Variants in GPR61 observed in about 807,000 individuals in gnomAD.
The protein encoded by GPR61 is G protein-coupled receptor 61.
Under a neutral mutation model 29.2 loss-of-function variants are expected in GPR61, and 15 were observed. The observed-to-expected ratio is 0.51, with a 90% CI of 0.34 to 0.79. The LOEUF is 0.79. Ranked by LOEUF, GPR61 falls within the 30% of genes least tolerant of loss-of-function variation. The pLI, the probability that GPR61 is intolerant of heterozygous loss-of-function variation, is 0.01. For missense variants in GPR61, 399 were observed against 582.5 expected (o/e 0.69, Z 3.24); for synonymous variants, 238 against 242.3 (o/e 0.98, Z 0.17).
rs779763362 is a variant in GPR61, at chr1:109,543,544, T to A, written c.522T>A (p.Ala174=). ...VGVWVKALAM[A]SVPVLGRVSW... is the part of the protein sequence containing the mutation. ...TGTGGGTGAAGGCCTTGGCCATGGCTTCTGTGCCAGTGTTGGGAAGGGTCT... is the reference window on the plus strand; with the variant it reads ...TGTGGGTGAAGGCCTTGGCCATGGCATCTGTGCCAGTGTTGGGAAGGGTCT... The change falls in exon 2 of 2, where the codon GCT becomes GCA. Residue 174 remains alanine (A), a synonymous_variant. Transcript: ENST00000527748. The surrounding 1 kb of genome is among the most constrained non-coding windows in gnomAD (Gnocchi z 6.8). The A allele has an allele frequency of 6.2e-7, 1 of 1,614,032 alleles. No homozygotes were observed. The highest frequency in any genetic ancestry group is 1.3e-5 in the African/African-American group (1 of 74,930).
chr1:109,542,494 A>G lies in GPR61; in HGVS notation c.-529A>G, dbSNP rs1346759082. 1 of 330,608 alleles carries G rather than the reference A, an allele frequency of 3.0e-6. No homozygotes were observed. Among genetic ancestry groups the G allele is most frequent in the African/African-American group, 2.2e-5 (1 of 46,460 alleles). The allele number at this position is 330,608 out of a possible 1,614,324, so 20.5% of individuals were successfully genotyped here. A position where few individuals can be genotyped will look rare whatever the true frequency, so the allele number is the denominator to read the frequency against. On this transcript the variant is annotated 5_prime_UTR_variant, in exon 2 of 2. An upstream open reading frame in the 5' UTR loses its in-frame stop. Coordinates refer to ENST00000527748, the MANE Select transcript of GPR61 (RefSeq NM_001393907.1). ...ATGCCCAGAACTGGGACTAGAAACT[A>G]AATTTTGTGCTCCTTCTACTCCCCA... is the stretch of plus-strand genomic sequence containing the variant.
rs770824911 is a variant in GPR61 at position 109,544,003 on chromosome 1, C to T, written c.981C>T (p.Thr327=). 2.4e-5 allele frequency: 39 copies of T among 1,614,120 alleles called. No individual in the cohort carries two copies. The highest frequency in any genetic ancestry group is 3.1e-5 in the Non-Finnish European group (37 of 1,180,052). ...CTGGGCAGGTGGAGAGTGTGGTCACCTGGATTGGCTACTTTTGCTTCACTT... is the reference window on the plus strand; with the variant it reads ...CTGGGCAGGTGGAGAGTGTGGTCACTTGGATTGGCTACTTTTGCTTCACTT... The part of the protein sequence containing the change: ...ISTGQVESVV[T]WIGYFCFTSN... The change falls in exon 2 of 2, where the codon ACC becomes ACT. Residue 327 remains threonine, a synonymous_variant. Coordinates refer to ENST00000527748, the MANE Select transcript of GPR61 (RefSeq NM_001393907.1). This position sits in a 1 kb window ranked among gnomAD's most constrained non-coding sequence, Gnocchi z 4.6.
At position 109,544,423 on chromosome 1, in the gene GPR61, T is replaced by C. The variant is rs756249370; in HGVS notation, c.*45T>C. 4.9e-6 allele frequency: 7 copies of C among 1,432,898 alleles called. No individual in the cohort carries two copies. The Admixed American group carries it at 1.1e-4, about 22-fold the overall frequency. The allele number at this position is 1,432,898 out of a possible 1,614,324, so 88.8% of individuals were successfully genotyped here. A position where few individuals can be genotyped will look rare whatever the true frequency, so the allele number is the denominator to read the frequency against. On this transcript the variant is annotated 3_prime_UTR_variant, in exon 2 of 2. Coordinates refer to ENST00000527748, the MANE Select transcript of GPR61 (RefSeq NM_001393907.1). This position sits in a 1 kb window ranked among gnomAD's most constrained non-coding sequence, Gnocchi z 4.6. ...AGGGATATGGGGCTGGGGCCAGTTA[T>C]GATTGCAAGGACCACCTTGTGGGAT...
intron 1 of GPR61, among the ~76,000 whole-genome samples, chr1:109,542,034 T>C (rs144871571): frequency 2.6e-5 from 4 of 152,296 alleles, no homozygotes; most frequent in African/African-American, 9.6e-5. Flanking sequence ...AACAACTATT[T>C]ACTGGATGCC....
At chr1:109,540,731 A>G (rs562797433) in intron 1 of GPR61, among the ~76,000 whole-genome samples, 100 of 152,326 alleles carry the variant, frequency 6.6e-4, no homozygotes, top group African/African-American at 2.4e-3. Context: ...ACCCCAGTCC[A>G]TTAGTGAGGG....
Position 109,543,998 on chromosome 1 carries a change from G to A in GPR61, c.976G>A (p.Val326Ile), listed in dbSNP as rs565432681. Residue 326 changes from valine to isoleucine, a missense_variant, in exon 2 of 2, where the codon GTC (valine) becomes ATC (isoleucine). Val to Ile is a conservative substitution (Grantham distance 29). Around this residue, in one of 3 missense-constraint regions of GPR61, gnomAD observed 320 missense variants for 459.8 expected, o/e 0.70. Coordinates refer to ENST00000527748, the MANE Select transcript of GPR61 (RefSeq NM_001393907.1). The surrounding 1 kb of genome is among the most constrained non-coding windows in gnomAD (Gnocchi z 6.8). ...TTCAACTGGGCAGGTGGAGAGTGTGGTCACCTGGATTGGCTACTTTTGCTT... is the reference window on the plus strand; with the variant it reads ...TTCAACTGGGCAGGTGGAGAGTGTGATCACCTGGATTGGCTACTTTTGCTT... Reference protein sequence around the residue: ...PISTGQVESVVTWIGYFCFTS... With the variant: ...PISTGQVESVITWIGYFCFTS... 6.2e-7 allele frequency: 1 copy of A among 1,614,220 alleles called. No homozygotes were observed. Among genetic ancestry groups the A allele is most frequent in the South Asian group, 1.1e-5 (1 of 91,088 alleles).
chr1:109,544,359 C>A lies in GPR61; in HGVS notation c.1337C>A (p.Ser446Ter). The A allele has an allele frequency of 6.2e-7, 1 of 1,612,252 alleles. No individual in the cohort carries two copies. The highest frequency in any genetic ancestry group is 8.5e-7 in the Non-Finnish European group (1 of 1,179,034). Reference protein sequence around the residue: ...MSDSYLRPAASPRLES With the variant: ...MSDSYLRPAA ...GACAGCTACCTCCGTCCTGCCGCCTCACCCCGGCTGGAGTCATGATGGGCC... is the reference window on the plus strand; with the variant it reads ...GACAGCTACCTCCGTCCTGCCGCCTAACCCCGGCTGGAGTCATGATGGGCC... Residue 446 changes from serine (S) to a stop codon, truncating the protein, a stop_gained, in exon 2 of 2, where the codon TCA (serine) becomes TAA (stop). Coordinates refer to ENST00000527748, the MANE Select transcript of GPR61 (RefSeq NM_001393907.1). LOFTEE classifies it high-confidence loss of function. This position sits in a 1 kb window ranked among gnomAD's most constrained non-coding sequence, Gnocchi z 4.6.
intron 1 of GPR61, 170 bp downstream of exon 1, chr1:109,540,123 TGTGGGC>T (rs1647589988): frequency 6.6e-6 from 1 of 152,082 alleles, no homozygotes; most frequent in Non-Finnish European, 1.5e-5. Context: ...GGTATTGGGG[TGTGGGC>T]ATCTCTGAAG....
In GPR61 at chr1:109,543,368, C is replaced by T. The variant is rs951217511; in HGVS notation, c.346C>T (p.Arg116Cys). Reference protein sequence around the residue: ...DHALFGEVACRLYLFLSVCFV... With the variant: ...DHALFGEVACCLYLFLSVCFV... ...CGCCCTCTTTGGGGAGGTGGCCTGC[C>T]GCCTCTACTTGTTTCTGAGCGTGTG... Residue 116 changes from arginine (R) to cysteine (C), a missense_variant, in exon 2 of 2, where the codon CGC becomes TGC. Physicochemically the swap from Arg to Cys is radical, Grantham distance 180. Around this residue, in one of 3 missense-constraint regions of GPR61, gnomAD observed 320 missense variants for 459.8 expected, o/e 0.70. Coordinates refer to ENST00000527748, the MANE Select transcript of GPR61 (RefSeq NM_001393907.1). The surrounding 1 kb of genome is among the most constrained non-coding windows in gnomAD (Gnocchi z 6.8). The T allele has an allele frequency of 6.8e-6, 11 of 1,612,616 alleles. No individual in the cohort carries two copies. Among genetic ancestry groups the T allele is most frequent in the African/African-American group, 1.3e-5 (1 of 74,798 alleles).
In GPR61 at chr1:109,544,462, C is replaced by A; in HGVS notation, c.*84C>A. 1 of 1,027,440 alleles carries A rather than the reference C, an allele frequency of 9.7e-7. No individual in the cohort carries two copies. The highest frequency in any genetic ancestry group is 1.4e-6 in the Non-Finnish European group (1 of 690,556). 63.6% of individuals were successfully genotyped at this position (1,027,440 alleles called of 1,614,324 possible). On this transcript the variant is annotated 3_prime_UTR_variant, in exon 2 of 2. Coordinates refer to ENST00000527748, the MANE Select transcript of GPR61 (RefSeq NM_001393907.1). The surrounding 1 kb of genome is among the most constrained non-coding windows in gnomAD (Gnocchi z 4.6). ...ACCTTGTGGGATCACCTTTTCCCAGCTGGCTAGGGCTGAGGCTGGGGTCTC... is the reference window on the plus strand; with the variant it reads ...ACCTTGTGGGATCACCTTTTCCCAGATGGCTAGGGCTGAGGCTGGGGTCTC...
chr1:109,543,683 C>T lies in GPR61; in HGVS notation c.661C>T (p.Leu221=). The T allele has an allele frequency of 6.2e-7, 1 of 1,613,894 alleles. No homozygotes were observed. The highest frequency in any genetic ancestry group is 8.5e-7 in the Non-Finnish European group (1 of 1,180,036). ...VFAVLYFLLP[L]LLILVVYCSM... Reference sequence around the variant, plus strand: ...TGCTGTCCTTTACTTTCTGTTGCCCCTGCTCCTCATACTTGTGGTCTACTG... The same window carrying T: ...TGCTGTCCTTTACTTTCTGTTGCCCTTGCTCCTCATACTTGTGGTCTACTG... Residue 221 remains leucine, a synonymous_variant, in exon 2 of 2, where the codon CTG becomes TTG. Coordinates refer to ENST00000527748, the MANE Select transcript of GPR61 (RefSeq NM_001393907.1). The surrounding 1 kb of genome is among the most constrained non-coding windows in gnomAD (Gnocchi z 6.8).
Position 109,543,144 on chromosome 1 carries a change from C to T in GPR61, c.122C>T (p.Ser41Leu), listed in dbSNP as rs376848071. 70 of 1,605,372 alleles carry T rather than the reference C, an allele frequency of 4.4e-5. No individual in the cohort carries two copies. The African/African-American group carries it at 5.3e-4, about 12-fold the overall frequency. ...VPEVGLRDVA[S>L]ESVALFFMLL... ...GAGGTGGGGCTACGGGATGTTGCTT[C>T]GGAATCTGTGGCCCTCTTCTTCATG... is the stretch of plus-strand genomic sequence containing the variant. The change falls in exon 2 of 2, where the codon TCG (serine) becomes TTG (leucine). Residue 41 changes from serine to leucine, a missense_variant. Coordinates refer to ENST00000527748, the MANE Select transcript of GPR61 (RefSeq NM_001393907.1). The surrounding 1 kb of genome is among the most constrained non-coding windows in gnomAD (Gnocchi z 6.8).
Position 109,546,987 on chromosome 1 carries a change from T to A in GPR61, c.*2609T>A, listed in dbSNP as rs1478910580. ...TGTTGGGGTAACTCCCAATCCTAGA[T>A]GAAAACCTTAGACTTTCTGTTGTCA... On this transcript the variant is annotated 3_prime_UTR_variant, in exon 2 of 2. Coordinates refer to ENST00000527748, the MANE Select transcript of GPR61 (RefSeq NM_001393907.1). The A allele has an allele frequency of 6.6e-6, 1 of 152,234 alleles. No individual in the cohort carries two copies. The highest frequency in any genetic ancestry group is 1.5e-5 in the Non-Finnish European group (1 of 68,036). The allele number at this position is 152,234 out of a possible 1,614,324, so 9.4% of individuals were successfully genotyped here.
chr1:109,542,988 G>T lies in GPR61; in HGVS notation c.-35G>T. ...GGACTAGGATGGGGGATGGGCCTGT[G>T]ACAGGAGGTACCCTGGGTGCCCTCT... On this transcript the variant is annotated 5_prime_UTR_variant, in exon 2 of 2. The change abolishes the stop of an existing upstream ORF in the 5' untranslated region. Transcript: ENST00000527748. The T allele has an allele frequency of 6.4e-7, 1 of 1,553,920 alleles. No homozygotes were observed. The highest frequency in any genetic ancestry group is 1.2e-5 in the South Asian group (1 of 81,988).
At chr1:109,541,280 C>CAA (rs1273415850) in intron 1 of GPR61, among the ~76,000 whole-genome samples, 1 of 152,180 alleles carries the variant, frequency 6.6e-6, no homozygotes, top group Non-Finnish European at 1.5e-5. Flanking sequence ...AGGGCTTCCT[C>CAA]AAGTCCAGGA....
In GPR61 at chr1:109,543,101, A is replaced by G; in HGVS notation, c.79A>G (p.Thr27Ala). The G allele has an allele frequency of 1.3e-6, 2 of 1,574,960 alleles. No homozygotes were observed. The highest frequency in any genetic ancestry group is 1.7e-6 in the Non-Finnish European group (2 of 1,158,946). The change falls in exon 2 of 2, where the codon ACT (threonine) becomes GCT (alanine). Residue 27 changes from threonine to alanine, a missense_variant. Thr to Ala is a moderately conservative substitution (Grantham distance 58). This residue lies in a region of GPR61 where 78 missense variants were observed against 101.0 expected (regional missense o/e 0.77). Transcript: ENST00000527748. This position sits in a 1 kb window ranked among gnomAD's most constrained non-coding sequence, Gnocchi z 6.8. ...GRVPQTPGPS[T>A]ASGVPEVGLR... ...GGTCCCTCAAACCCCAGGTCCCTCT[A>G]CTGCCAGTGGGGTCCCGGAGGTGGG... is the stretch of plus-strand genomic sequence containing the variant.
In GPR61 at chr1:109,546,961, G is replaced by A. The variant is rs1055532650; in HGVS notation, c.*2583G>A. 6.6e-6 allele frequency: 1 copy of A among 152,226 alleles called. No homozygotes were observed. The highest frequency in any genetic ancestry group is 2.4e-5 in the African/African-American group (1 of 41,448). The allele number at this position is 152,226 out of a possible 1,614,324, so 9.4% of individuals were successfully genotyped here. On this transcript the variant is annotated 3_prime_UTR_variant, in exon 2 of 2. Coordinates refer to ENST00000527748, the MANE Select transcript of GPR61 (RefSeq NM_001393907.1). ...AGTTACTTTTTCCTGCATCCTGCTGGTGTTGGGGTAACTCCCAATCCTAGA... is the reference window on the plus strand; with the variant it reads ...AGTTACTTTTTCCTGCATCCTGCTGATGTTGGGGTAACTCCCAATCCTAGA...
chr1:109,542,944 TCGCCA>T lies in GPR61; in HGVS notation c.-78_-74del. 6.5e-7 allele frequency: 1 copy of T among 1,544,516 alleles called. No individual in the cohort carries two copies. Among genetic ancestry groups the T allele is most frequent in the South Asian group, 1.2e-5 (1 of 83,942 alleles). On this transcript the variant is annotated 5_prime_UTR_variant, in exon 2 of 2. Transcript: ENST00000527748. ...GAAACCAGGAAGCCTGGGCCTGGGC[TCGCCA>T]TCCCAGGGTCGCTGGACTAGGATGG...
chr1:109,540,511 C>T (rs979154147), intron 1 of GPR61, among the ~76,000 whole-genome samples: 3 of 152,224 alleles, frequency 2.0e-5, no homozygotes, highest in Non-Finnish European at 2.9e-5. Context: ...CTTGACCATG[C>T]CCCTGCTAGA....
Sources: allele counts gnomAD v4.1 joint callset (sites outside exome capture counted in the v4.1 genomes callset), GRCh38; gene constraint gnomAD v4.1.1; regional missense constraint gnomAD v4.1.1; non-coding constraint Gnocchi (gnomAD v3.1); transcripts MANE v1.5; gene names NCBI Gene and HGNC (gene_info 2026-07-23, HGNC 2026-07-21).